RTTN: variants seen among roughly 807,000 people sequenced by gnomAD.
RTTN encodes rotatin.
Under a neutral mutation model 269.2 loss-of-function variants are expected in RTTN, and 182 were observed. The ratio of observed to expected loss-of-function variants is 0.68; its 90% CI spans 0.60 to 0.76. The LOEUF is 0.76. RTTN is among the 30% of genes least tolerant of loss of function. RTTN has a pLI of 0.00. For missense variants in RTTN, 2,545 were observed against 2,608.6 expected (o/e 0.98, Z 0.53); for synonymous variants, 1,006 against 963.5 (o/e 1.04, Z -0.82).
intron 7 of RTTN, 79 bp downstream of exon 7, chr18:70,196,422 T>C: frequency 7.7e-7 from 1 of 1,294,360 alleles, no homozygotes; most frequent in Non-Finnish European, 1.1e-6. Flanking sequence ...CAATAAACCC[T>C]AACAGTAACT....
chr18:70,073,722 G>A (rs950989706), intron 34 of RTTN, among the ~76,000 whole-genome samples, 184 bp downstream of exon 34: 11 of 152,248 alleles, frequency 7.2e-5, no homozygotes, highest in Middle Eastern at 3.4e-3. Context: ...AGCAAGATAA[G>A]TATCTATAAT....
chr18:70,143,850 A>C (rs1445336626), intron 18 of RTTN, among the ~76,000 whole-genome samples: 2 of 151,898 alleles, frequency 1.3e-5, no homozygotes, highest in Non-Finnish European at 2.9e-5. Context: ...ATGTCAAATA[A>C]GTTTTCCTTT....
At chr18:70,149,760 A>G (rs935751460) in intron 16 of RTTN, among the ~76,000 whole-genome samples, 3 of 152,116 alleles carry the variant, frequency 2.0e-5, no homozygotes, top group African/African-American at 7.2e-5. Context: ...ACCCAGATAT[A>G]TAAAATATAT....
chr18:70,005,733 G>A (rs2056164644), intron 47 of RTTN: 1 of 154,412 alleles, frequency 6.5e-6, no homozygotes, highest in African/African-American at 2.4e-5. Flanking sequence ...TTGTCCTTGT[G>A]TACGTGACTC....
At chr18:70,153,767 A>G (rs1201226868) in intron 14 of RTTN, among the ~76,000 whole-genome samples, 3 of 152,194 alleles carry the variant, frequency 2.0e-5, no homozygotes, top group Non-Finnish European at 4.4e-5. Context: ...CCAAGATACT[A>G]TATCTTTATG....
chr18:70,183,061 C>T (rs1319286793), intron 10 of RTTN, among the ~76,000 whole-genome samples: 1 of 152,136 alleles, frequency 6.6e-6, no homozygotes, highest in East Asian at 1.9e-4. Context: ...GAAATAATAA[C>T]AAGGACATCT....
chr18:70,096,233 G>T (rs1486204238), intron 28 of RTTN, among the ~76,000 whole-genome samples: 1 of 151,992 alleles, frequency 6.6e-6, no homozygotes, highest in Non-Finnish European at 1.5e-5. Context: ...TCCTTGCATT[G>T]AGTTAGAACA....
chr18:70,143,576 C>T (rs567947006), intron 18 of RTTN, among the ~76,000 whole-genome samples: 4 of 152,066 alleles, frequency 2.6e-5, no homozygotes, highest in African/African-American at 7.2e-5. Context: ...AGGGGAACAA[C>T]GGACACTGGG....
chr18:70,060,776 G>A (rs1242332951), intron 35 of RTTN, among the ~76,000 whole-genome samples: 3 of 151,354 alleles, frequency 2.0e-5, no homozygotes, highest in Non-Finnish European at 4.4e-5. Flanking sequence ...TTTAGCCTCT[G>A]GTAACCCTCA....
At chr18:70,164,882 G>A (rs1254838135) in intron 14 of RTTN, among the ~76,000 whole-genome samples, 2 of 151,882 alleles carry the variant, frequency 1.3e-5, no homozygotes, top group Non-Finnish European at 2.9e-5. Context: ...GAAACCGCAG[G>A]GCACCACAGA....
At chr18:70,175,944 A>G (rs1041349396) in intron 11 of RTTN, among the ~76,000 whole-genome samples, 29 of 152,166 alleles carry the variant, frequency 1.9e-4, no homozygotes, top group African/African-American at 7.0e-4. Flanking sequence ...CTAGCTGAAG[A>G]GAAGGAAAGG....
At chr18:70,007,804 G>C (rs1303174689) in intron 46 of RTTN, 1 of 152,398 alleles carries the variant, frequency 6.6e-6, no homozygotes, top group Non-Finnish European at 1.5e-5. Flanking sequence ...CAGAGCACCT[G>C]GGGGAAAGGG....
Position 70,017,690 on chromosome 18 carries a change from G to A in RTTN, c.6154-16C>T, listed in dbSNP as rs1250357158. On this transcript the variant is annotated splice_polypyrimidine_tract_variant and intron_variant, in intron 45 of 48. Coordinates refer to ENST00000640769, the MANE Select transcript of RTTN (RefSeq NM_173630.4). Reference sequence around the variant, plus strand: ...AGAAGTTACTCTGTGGATAAATAGAGAGAATATTATTTTCTTCTCATCTTT... The same window carrying A: ...AGAAGTTACTCTGTGGATAAATAGAAAGAATATTATTTTCTTCTCATCTTT... The A allele has an allele frequency of 1.9e-6, 3 of 1,588,798 alleles. No homozygotes were observed. The highest frequency in any genetic ancestry group is 1.2e-5 in the South Asian group (1 of 86,686).
intron 10 of RTTN, among the ~76,000 whole-genome samples, chr18:70,184,937 C>A (rs1016954595): frequency 6.6e-5 from 10 of 151,694 alleles, no homozygotes; most frequent in African/African-American, 2.4e-4. Context: ...CTTATACTAC[C>A]TTATTTCAAG....
chr18:70,139,772 A>G, intron 20 of RTTN, 56 bp from the exon 21 acceptor site: 1 of 1,013,992 alleles, frequency 9.9e-7, no homozygotes, highest in Non-Finnish European at 1.5e-6. Context: ...AGGTGAGATC[A>G]AACAGACCAT....
chr18:70,004,295 A>G, intron 48 of RTTN, 59 bp from the exon 49 acceptor site: 2 of 1,174,384 alleles, frequency 1.7e-6, no homozygotes, highest in Non-Finnish European at 2.5e-6. Context: ...TACTATACTT[A>G]GGAGGCACAC....
intron 8 of RTTN, among the ~76,000 whole-genome samples, chr18:70,192,441 G>T (rs143414055): frequency 1.1e-3 from 168 of 152,260 alleles, no homozygotes; most frequent in African/African-American, 3.9e-3. Context: ...AGCACTTTAC[G>T]AGGCCAAGAT....
chr18:70,031,420 T>C, intron 40 of RTTN: 1 of 398,322 alleles, frequency 2.5e-6, no homozygotes, highest in Non-Finnish European at 4.4e-6. Context: ...CCCCTATATC[T>C]CAGGTGATTT....
chr18:70,201,220 T>A (rs1234760107), intron 4 of RTTN, among the ~76,000 whole-genome samples: 1 of 152,174 alleles, frequency 6.6e-6, no homozygotes. Flanking sequence ...ATCTTCAGCC[T>A]CTGGCTGGCG....
Sources: allele counts gnomAD v4.1 joint callset (sites outside exome capture counted in the v4.1 genomes callset), GRCh38; gene constraint gnomAD v4.1.1; transcripts MANE v1.5; gene names NCBI Gene and HGNC (gene_info 2026-07-23, HGNC 2026-07-21).